The following CALR3 variants were observed in gnomAD, a reference collection of about 807,000 sequenced individuals.
CALR3 encodes the protein calreticulin 3.
CALR3 carries 39 observed loss-of-function variants against 48.7 expected under a neutral mutation model. That is an observed-to-expected ratio of 0.80 (90% CI 0.62 to 1.05). CALR3 has a LOEUF of 1.05. Ranked by LOEUF, CALR3 falls within the 50% of genes least tolerant of loss-of-function variation. The pLI is 0.00. For synonymous variants in CALR3, 185 were observed against 172.7 expected (o/e 1.07, Z -0.56); for missense variants, 449 against 474.7 (o/e 0.95, Z 0.50).
intron 8 of CALR3, among the ~76,000 whole-genome samples, chr19:16,480,000 C>T (rs965420450): frequency 1.8e-4 from 27 of 149,334 alleles, no homozygotes; most frequent in African/African-American, 6.2e-4. Context: ...GTCAAGAGAG[C>T]GAGACCATCC....
chr19:16,483,029 C>A (rs2093383550), intron 5 of CALR3, among the ~76,000 whole-genome samples: 1 of 151,942 alleles, frequency 6.6e-6, no homozygotes, highest in Admixed American at 6.6e-5. Context: ...ATGTTTTGTA[C>A]AGTCAGGGTC....
chr19:16,484,176 TTC>T, intron 4 of CALR3, 61 bp from the exon 5 acceptor site: 2 of 1,427,276 alleles, frequency 1.4e-6, no homozygotes, highest in South Asian at 1.3e-5. Flanking sequence ...TTCTTTTCTT[TTC>T]TTTTTTTTTT....
In CALR3 at chr19:16,490,422, A is replaced by G; in HGVS notation, c.342T>C (p.Pro114=). 3 of 1,614,200 alleles carry G rather than the reference A, an allele frequency of 1.9e-6. No individual in the cohort carries two copies. Residue 114 remains proline (P), a synonymous_variant, in exon 3 of 9, where the codon CCT becomes CCC. Coordinates refer to ENST00000269881, the MANE Select transcript of CALR3 (RefSeq NM_145046.5). ...TCAGGTTCTTCTGGTCAATGTCTGC[A>G]GGAAAGACCTTAATGTAGCCCCCTC... ...DCGGGYIKVF[P]ADIDQKNLNG... is the part of the protein sequence containing the mutation.
At chr19:16,486,173 G>A (rs533159568) in intron 3 of CALR3, among the ~76,000 whole-genome samples, 1 of 151,770 alleles carries the variant, frequency 6.6e-6, no homozygotes, top group Admixed American at 6.6e-5. Context: ...AAAATTAGCT[G>A]GGAGTGGTGG....
At chr19:16,482,223 T>TAAA (rs1020975540) in intron 7 of CALR3, among the ~76,000 whole-genome samples, 1 of 145,864 alleles carries the variant, frequency 6.9e-6, no homozygotes, top group Admixed American at 6.9e-5. Flanking sequence ...TCCCATTTCT[T>TAAA]AAAAAAAAAA....
At chr19:16,490,618 A>C in intron 2 of CALR3, 48 bp from the exon 3 acceptor site, 4 of 1,507,766 alleles carry the variant, frequency 2.7e-6, no homozygotes, top group Non-Finnish European at 3.7e-6. Context: ...CGCTGCGCTA[A>C]GTAACGCAGG....
At chr19:16,492,424 G>A (rs919551980) in intron 2 of CALR3, among the ~76,000 whole-genome samples, 2 of 151,706 alleles carry the variant, frequency 1.3e-5, no homozygotes, top group African/African-American at 2.4e-5. Context: ...GTGGCAGGGC[G>A]AAACTCCGTT....
intron 2 of CALR3, among the ~76,000 whole-genome samples, chr19:16,491,058 C>G (rs2093397207): frequency 6.6e-6 from 1 of 151,804 alleles, no homozygotes; most frequent in South Asian, 2.1e-4. Context: ...GCGTGCCTGG[C>G]CCATACAACT....
chr19:16,487,728 C>T (rs1276853281), intron 3 of CALR3, among the ~76,000 whole-genome samples: 1 of 152,062 alleles, frequency 6.6e-6, no homozygotes, highest in Non-Finnish European at 1.5e-5. Context: ...ACCTCTGCCT[C>T]CCAGGTTCAG....
At chr19:16,487,124 G>A (rs2093390280) in intron 3 of CALR3, among the ~76,000 whole-genome samples, 1 of 152,000 alleles carries the variant, frequency 6.6e-6, no homozygotes, top group Admixed American at 6.6e-5. Context: ...CCCTGCTTCA[G>A]CCTCCTGAGT....
At position 16,483,991 on chromosome 19, in the gene CALR3, T is replaced by C. The variant is rs1244808121; in HGVS notation, c.617A>G (p.Lys206Arg). ...IEYDWNLTSL[K>R]KETSPAESKD... The stretch of plus-strand genomic sequence containing the variant: ...CGATTCTGCCGGGGACGTTTCCTTC[T>C]TGAGTGATGTTAAGTTCCAGTCGTA... The change falls in exon 5 of 9, where the codon AAG becomes AGG. Residue 206 changes from lysine (K) to arginine (R), a missense_variant. Coordinates refer to ENST00000269881, the MANE Select transcript of CALR3 (RefSeq NM_145046.5). 1 of 1,613,926 alleles carries C rather than the reference T, an allele frequency of 6.2e-7. No homozygotes were observed. Among genetic ancestry groups the C allele is most frequent in the East Asian group, 2.2e-5 (1 of 44,888 alleles).
intron 7 of CALR3, among the ~76,000 whole-genome samples, chr19:16,482,009 C>T (rs2093381618): frequency 6.6e-6 from 1 of 150,726 alleles, no homozygotes; most frequent in Non-Finnish European, 1.5e-5. Context: ...CGGGTTCACG[C>T]CATTCTCCTG....
At chr19:16,487,753 T>C (rs1170146951) in intron 3 of CALR3, among the ~76,000 whole-genome samples, 1 of 151,854 alleles carries the variant, frequency 6.6e-6, no homozygotes, top group African/African-American at 2.4e-5. Flanking sequence ...TTCTCCTGCC[T>C]CAGCCTCCTG....
intron 8 of CALR3, among the ~76,000 whole-genome samples, chr19:16,479,589 A>G (rs1437702067): frequency 6.8e-6 from 1 of 146,290 alleles, no homozygotes; most frequent in Admixed American, 6.9e-5. Flanking sequence ...CTCTGTCTCA[A>G]AAAAAAAAAA....
chr19:16,494,762 G>A (rs958477686), intron 2 of CALR3, among the ~76,000 whole-genome samples: 1 of 152,184 alleles, frequency 6.6e-6, no homozygotes, highest in Non-Finnish European at 1.5e-5. Flanking sequence ...CTTGACTAGT[G>A]TCTATTAAGA....
At chr19:16,487,574 A>G (rs1001342466) in intron 3 of CALR3, among the ~76,000 whole-genome samples, 3 of 149,232 alleles carry the variant, frequency 2.0e-5, no homozygotes, top group Non-Finnish European at 3.0e-5. Context: ...TCCTCCCTTG[A>G]TGTTTCAGAT....
chr19:16,494,354 G>C (rs1360653586), intron 2 of CALR3, among the ~76,000 whole-genome samples: 1 of 150,546 alleles, frequency 6.6e-6, no homozygotes, highest in Non-Finnish European at 1.5e-5. Flanking sequence ...GAGCCACCGT[G>C]CCTGACCATA....
rs1160125407 is a variant in CALR3, at chr19:16,496,159, C to G, written c.-30G>C. 5.8e-6 allele frequency: 9 copies of G among 1,552,116 alleles called. No individual in the cohort carries two copies. The highest frequency in any genetic ancestry group is 7.9e-6 in the Non-Finnish European group (9 of 1,143,390). On this transcript the variant is annotated 5_prime_UTR_variant, in exon 1 of 9. Coordinates refer to ENST00000269881, the MANE Select transcript of CALR3 (RefSeq NM_145046.5). ...GTGTGCACTGCGCTTCCGGTCGCCG[C>G]CACCCCTTAGCTCCCAGCTCTCTCT... is the stretch of plus-strand genomic sequence containing the variant.
intron 3 of CALR3, among the ~76,000 whole-genome samples, chr19:16,487,000 C>CTTTATTTA (rs879418367): frequency 3.3e-5 from 5 of 151,894 alleles, no homozygotes; most frequent in African/African-American, 1.2e-4. Flanking sequence ...ATATAGGGGT[C>CTTTATTTA]TTTATTTATT....
Sources: gnomAD v4.1 joint callset for allele counts (sites outside exome capture counted in the v4.1 genomes callset) on GRCh38, gnomAD v4.1.1 for gene constraint, MANE v1.5 for transcripts, NCBI Gene and HGNC (gene_info 2026-07-23, HGNC 2026-07-21) for gene names.